SYNE2: variants seen among roughly 807,000 people sequenced by gnomAD.
The protein encoded by SYNE2 is spectrin repeat containing nuclear envelope protein 2, also known as nesprin-2.
In SYNE2, 431 loss-of-function variants were observed where a neutral mutation model predicts 856.3. The observed-to-expected ratio is 0.50, with a 90% CI of 0.47 to 0.55. The LOEUF is 0.55. Ranked by LOEUF, SYNE2 falls within the 20% of genes least tolerant of loss-of-function variation. The probability of loss-of-function intolerance (pLI) is 0.00; values close to 1 mark genes in which losing one functional copy is unlikely to be tolerated. For synonymous variants in SYNE2, 2,923 were observed against 2,872.3 expected, an observed-to-expected ratio of 1.02 and a Z score of -0.56; for missense variants, 8,129 against 8,023.2, an observed-to-expected ratio of 1.01 and a Z score of -0.50.
In SYNE2 at chr14:63,927,962, C is replaced by T. The variant is rs546519897; in HGVS notation, c.80-12652C>T. ...TCCTCAGCCATGTGGAACTGTGAGT[C>T]CATTAAACCTCTTTTTCTTTATAAA... On this transcript the variant is annotated intron_variant, in intron 2 of 115. Transcript: ENST00000555002. 2.0e-5 allele frequency among the ~76,000 whole-genome samples: 3 copies of T among 151,880 alleles called. No homozygotes were observed. In the East Asian group the frequency reaches 5.8e-4, roughly 29 times the overall value.
intron 1 of SYNE2, among the ~76,000 whole-genome samples, chr14:63,891,909 C>T (rs1026962071): frequency 1.3e-5 from 2 of 152,092 alleles, no homozygotes; most frequent in African/African-American, 4.8e-5. Flanking sequence ...TGCCTTTGCC[C>T]ATTTGTAATA....
chr14:64,126,432 C>T lies in SYNE2; in HGVS notation c.13660C>T (p.Pro4554Ser). Residue 4554 changes from proline to serine, a missense_variant, in exon 72 of 116, where the codon CCC (proline) becomes TCC (serine). Physicochemically the swap from Pro to Ser is moderately conservative, Grantham distance 74. Transcript: ENST00000555002. ...CAGTGTGGAGGAGATGCTGGAGATG[C>T]CCAGACTTTACAGGGAGGATGGTTC... is the stretch of plus-strand genomic sequence containing the variant. ...LSSVEEMLEM[P>S]RLYREDGSGQ... is the part of the protein sequence containing the mutation. The T allele has an allele frequency of 6.2e-7, 1 of 1,614,112 alleles. No individual in the cohort carries two copies. Among genetic ancestry groups the T allele is most frequent in the South Asian group, 1.1e-5 (1 of 91,080 alleles).
At position 64,065,751 on chromosome 14, in the gene SYNE2, A is replaced by G. The variant is rs922974446; in HGVS notation, c.10431+101A>G. Reference sequence around the variant, plus strand: ...TTTCTATAAAACGAGTCCTTAGCCTATACCATTTGTGCACATCACTTATAC... The same window carrying G: ...TTTCTATAAAACGAGTCCTTAGCCTGTACCATTTGTGCACATCACTTATAC... On this transcript the variant is annotated intron_variant, in intron 51 of 115. Transcript: ENST00000555002. 354 of 1,325,058 alleles carry G rather than the reference A, an allele frequency of 2.7e-4. 4 individuals are homozygous for G. The Admixed American group carries it at 6.6e-3, about 25-fold the overall frequency. The allele number at this position is 1,325,058 out of a possible 1,614,324, so 82.1% of individuals were successfully genotyped here.
chr14:64,069,150 G>A (rs1206672875), intron 51 of SYNE2, among the ~76,000 whole-genome samples: 2 of 152,138 alleles, frequency 1.3e-5, no homozygotes, highest in Non-Finnish European at 2.9e-5. Flanking sequence ...AGCACCAAGA[G>A]GTGCCCCATT....
At chr14:64,138,345 C>T (rs2098112882) in intron 79 of SYNE2, among the ~76,000 whole-genome samples, 1 of 152,138 alleles carries the variant, frequency 6.6e-6, no homozygotes, top group South Asian at 2.1e-4. Flanking sequence ...GATCCTCCTG[C>T]CTCAGCCTCC....
chr14:63,797,588 T>C (rs1489478151), intron 1 of SYNE2, among the ~76,000 whole-genome samples: 1 of 152,034 alleles, frequency 6.6e-6, no homozygotes, highest in Non-Finnish European at 1.5e-5. Context: ...ATTACAGGCA[T>C]GCGCCACCAC....
intron 1 of SYNE2, among the ~76,000 whole-genome samples, chr14:63,903,931 C>A (rs1283538082): frequency 6.6e-6 from 1 of 151,834 alleles, no homozygotes; most frequent in Non-Finnish European, 1.5e-5. Context: ...AGGTGGTGAG[C>A]ATAGTACCCA....
At position 64,102,052 on chromosome 14, in the gene SYNE2, G is replaced by C. The variant is rs1423348521; in HGVS notation, c.12492+10G>C. On this transcript the variant is annotated intron_variant, in intron 64 of 115. Transcript: ENST00000555002. ...TGGAACAATTGTTCAGGTAATGCTG[G>C]GCGTATCAGCCACGCTTAGGGGTTA... 6.3e-7 allele frequency: 1 copy of C among 1,597,292 alleles called. No individual in the cohort carries two copies. Among genetic ancestry groups the C allele is most frequent in the Non-Finnish European group, 8.6e-7 (1 of 1,164,788 alleles).
In SYNE2 at chr14:64,027,750, T is replaced by G; in HGVS notation, c.6671T>G (p.Leu2224Arg). Residue 2224 changes from leucine to arginine, a missense_variant, in exon 43 of 116, where the codon CTG (leucine) becomes CGG (arginine). Transcript: ENST00000555002. The stretch of plus-strand genomic sequence containing the variant: ...CCCAGCTTCAGTGAAGAGCCTTGGC[T>G]GGAAATAAAGCATCTACACGAAAGT... ...KNPSFSEEPWLEIKHLHESLL... is the reference protein window; with the variant it reads ...KNPSFSEEPWREIKHLHESLL... 6.2e-7 allele frequency: 1 copy of G among 1,613,842 alleles called. No homozygotes were observed. Among genetic ancestry groups the G allele is most frequent in the Non-Finnish European group, 8.5e-7 (1 of 1,179,956 alleles).
In SYNE2 at chr14:64,152,549, C is replaced by T. The variant is rs1263471802; in HGVS notation, c.15640-15C>T. The T allele has an allele frequency of 1.2e-6, 2 of 1,613,560 alleles. No individual in the cohort carries two copies. The highest frequency in any genetic ancestry group is 8.5e-7 in the Non-Finnish European group (1 of 1,179,844). On this transcript the variant is annotated splice_polypyrimidine_tract_variant and intron_variant, in intron 84 of 115. Coordinates refer to ENST00000555002, the MANE Select transcript of SYNE2 (RefSeq NM_182914.3). Reference sequence around the variant, plus strand: ...AATATTGTGCATTGAAAACCTTTTCCTCTTACTCTTCCAGGATATAGAAAA... The same window carrying T: ...AATATTGTGCATTGAAAACCTTTTCTTCTTACTCTTCCAGGATATAGAAAA...
chr14:63,809,281 C>T (rs1888517784), intron 1 of SYNE2, among the ~76,000 whole-genome samples: 1 of 151,136 alleles, frequency 6.6e-6, no homozygotes, highest in Non-Finnish European at 1.5e-5. Context: ...AAAATAATGC[C>T]ATGTGCCTCA....
intron 32 of SYNE2, among the ~76,000 whole-genome samples, chr14:64,012,969 C>G (rs1460385800): frequency 6.6e-6 from 1 of 152,080 alleles, no homozygotes; most frequent in Non-Finnish European, 1.5e-5. Flanking sequence ...GGATGTTTAT[C>G]TAGGATATGG....
At chr14:64,031,469 A>G (rs2097034020) in intron 45 of SYNE2, 112 bp downstream of exon 45, 5 of 944,336 alleles carry the variant, frequency 5.3e-6, no homozygotes, top group South Asian at 4.2e-5. Flanking sequence ...TAAATCCTCA[A>G]TGTCCTGGCT....
intron 31 of SYNE2, among the ~76,000 whole-genome samples, chr14:64,009,314 T>G (rs2096824894): frequency 6.6e-6 from 1 of 152,072 alleles, no homozygotes; most frequent in Non-Finnish European, 1.5e-5. Context: ...GGCAGGTGGA[T>G]CACCTGAGGT....
At chr14:63,957,823 T>C (rs1049634669) in intron 8 of SYNE2, among the ~76,000 whole-genome samples, 18 of 152,158 alleles carry the variant, frequency 1.2e-4, no homozygotes, top group Non-Finnish European at 2.6e-4. Context: ...TTTTTCCCCC[T>C]TCTTTCCATA....
intron 34 of SYNE2, 21 bp from the exon 35 acceptor site, chr14:64,019,971 C>A: frequency 6.7e-7 from 1 of 1,492,756 alleles, no homozygotes; most frequent in Non-Finnish European, 9.3e-7. Flanking sequence ...AGACACTATC[C>A]TTTAAAATTA....
chr14:64,188,618 A>G lies in SYNE2; in HGVS notation c.17781A>G (p.Lys5927=). The G allele has an allele frequency of 6.2e-7, 1 of 1,614,272 alleles. No homozygotes were observed. Among genetic ancestry groups the G allele is most frequent in the Admixed American group, 1.7e-5 (1 of 60,032 alleles). The part of the protein sequence containing the change: ...NTWVVFNEKN[K]ELCAWLVQME... ...GGGTTGTATTCAATGAAAAAAATAA[A>G]GAGTTGTGTGCCTGGCTGGTGCAGA... The change falls in exon 98 of 116, where the codon AAA becomes AAG. Residue 5927 remains lysine (K), a synonymous_variant. Transcript: ENST00000555002.
chr14:63,949,403 T>C (rs112276860), intron 6 of SYNE2, among the ~76,000 whole-genome samples: 19 of 152,344 alleles, frequency 1.2e-4, no homozygotes, highest in African/African-American at 4.3e-4. Context: ...TCTATCCATG[T>C]GTTTGACTAT....
At chr14:63,779,342 A>AAATG (rs1303546695) in intron 1 of SYNE2, among the ~76,000 whole-genome samples, 4 of 150,572 alleles carry the variant, frequency 2.7e-5, no homozygotes. Context: ...ATAAATAAAT[A>AAATG]AATAAATAAA....
Sources: allele counts gnomAD v4.1 joint callset (sites outside exome capture counted in the v4.1 genomes callset), GRCh38; gene constraint gnomAD v4.1.1; transcripts MANE v1.5; gene names NCBI Gene and HGNC (gene_info 2026-07-23, HGNC 2026-07-21).